MICAL2: variants seen among roughly 807,000 people sequenced by gnomAD.
MICAL2 encodes the protein microtubule associated monooxygenase, calponin and LIM domain containing 2, also known as [F-actin]-monooxygenase MICAL2.
In MICAL2, 77 loss-of-function variants were observed where a neutral mutation model predicts 127.3. The observed-to-expected ratio is 0.60, with a 90% CI of 0.50 to 0.73. MICAL2 has a LOEUF of 0.73. Among genes scored for constraint, MICAL2 ranks in the 30% least tolerant of loss-of-function variants. The pLI, the probability that MICAL2 is intolerant of heterozygous loss-of-function variation, is 0.00. For synonymous variants in MICAL2, 570 were observed against 551.1 expected (o/e 1.03, Z -0.48); for missense variants, 1,351 against 1,434.4 (o/e 0.94, Z 0.94).
chr11:12,242,183 G>C (rs1438134695), intron 18 of MICAL2, 31 bp from the exon 19 acceptor site: 12 of 1,559,036 alleles, frequency 7.7e-6, no homozygotes, highest in Non-Finnish European at 1.0e-5. Flanking sequence ...GCCGCAGTAG[G>C]GAAGGAAGCT....
intron 2 of MICAL2, among the ~76,000 whole-genome samples, chr11:12,282,714 C>G (rs954669199): frequency 6.6e-6 from 1 of 152,188 alleles, no homozygotes; most frequent in Non-Finnish European, 1.5e-5. Context: ...TGCAGCAGGT[C>G]TCTGAGTAGG....
chr11:12,180,512 T>C (rs1272752477), intron 3 of MICAL2, among the ~76,000 whole-genome samples: 1 of 152,178 alleles, frequency 6.6e-6, no homozygotes, highest in Non-Finnish European at 1.5e-5. Context: ...GAAGCTCCTG[T>C]TCATACCGAA....
At chr11:12,268,965 C>G (rs1177130056) in intron 24 of MICAL2, among the ~76,000 whole-genome samples, 1 of 152,082 alleles carries the variant, frequency 6.6e-6, no homozygotes, top group Non-Finnish European at 1.5e-5. Context: ...TGCCACTGCA[C>G]TCCAGCCTCG....
chr11:12,199,351 G>A (rs7104631), intron 3 of MICAL2, among the ~76,000 whole-genome samples: 115,453 of 151,954 alleles, frequency 0.76, 47,620 homozygotes, highest in Non-Finnish European at 0.92. Context: ...TCTAGGTGAG[G>A]TGCAGGGTGG....
intron 29 of MICAL2, among the ~76,000 whole-genome samples, chr11:12,309,604 G>T (rs1365969556): frequency 2.0e-5 from 3 of 152,010 alleles, no homozygotes; most frequent in Admixed American, 2.0e-4. Flanking sequence ...GGCTGATGCT[G>T]TATCTTGGCT....
At chr11:12,194,957 A>G (rs780548686) in intron 3 of MICAL2, among the ~76,000 whole-genome samples, 22 of 152,196 alleles carry the variant, frequency 1.4e-4, no homozygotes, top group Admixed American at 3.9e-4. Context: ...ATTTCATTTT[A>G]TATACATTTT....
downstream of MICAL2, chr11:12,294,592 T>C: frequency 6.2e-7 from 1 of 1,614,228 alleles, no homozygotes; most frequent in South Asian, 1.1e-5. Context: ...CAGATGCTTC[T>C]AAGCCTCCAA....
intron 29 of MICAL2, among the ~76,000 whole-genome samples, chr11:12,312,188 T>C (rs1407224678): frequency 6.6e-6 from 1 of 151,988 alleles, no homozygotes; most frequent in Non-Finnish European, 1.5e-5. Flanking sequence ...ATTTTCGCTT[T>C]GTTGATTTTC....
downstream of MICAL2, among the ~76,000 whole-genome samples, chr11:12,289,912 C>T (rs1014842380): frequency 6.6e-6 from 1 of 152,178 alleles, no homozygotes; most frequent in African/African-American, 2.4e-5. Flanking sequence ...CTCAACCACC[C>T]CATGAAGCTG....
intron 3 of MICAL2, among the ~76,000 whole-genome samples, chr11:12,177,566 C>T (rs1314890582): frequency 6.6e-6 from 1 of 152,140 alleles, no homozygotes; most frequent in East Asian, 1.9e-4. Context: ...CCAAGAAATC[C>T]TGACCAAATT....
intron 29 of MICAL2, among the ~76,000 whole-genome samples, chr11:12,305,895 T>G (rs930056167): frequency 1.3e-5 from 2 of 152,164 alleles, no homozygotes; most frequent in African/African-American, 2.4e-5. Context: ...ATGATATGGT[T>G]TTTAATTGAT....
At chr11:12,201,893 C>A (rs936087199) in intron 3 of MICAL2, among the ~76,000 whole-genome samples, 1 of 152,112 alleles carries the variant, frequency 6.6e-6, no homozygotes, top group Non-Finnish European at 1.5e-5. Flanking sequence ...CCAAGGCGGG[C>A]AGATCACCTG....
At chr11:12,229,102 A>T (rs1037431165) in intron 15 of MICAL2, among the ~76,000 whole-genome samples, 4 of 152,134 alleles carry the variant, frequency 2.6e-5, no homozygotes, top group Non-Finnish European at 5.9e-5. Context: ...GCAGGGTGGG[A>T]TGGGGCCACC....
At chr11:12,205,905 A>G (rs1854618885) in intron 4 of MICAL2, among the ~76,000 whole-genome samples, 1 of 152,168 alleles carries the variant, frequency 6.6e-6, no homozygotes, top group Non-Finnish European at 1.5e-5. Flanking sequence ...CCTGAGAGCC[A>G]TGTTCTTATG....
intron 2 of MICAL2, among the ~76,000 whole-genome samples, chr11:12,285,796 A>G (rs1274467288): frequency 1.3e-5 from 2 of 152,234 alleles, no homozygotes; most frequent in African/African-American, 2.4e-5. Flanking sequence ...CTAGACAGAA[A>G]GAAAGACAGA....
chr11:12,346,079 C>G (rs542284763), intron 32 of MICAL2, among the ~76,000 whole-genome samples: 1 of 151,290 alleles, frequency 6.6e-6, no homozygotes, highest in East Asian at 1.9e-4. Flanking sequence ...CATTGAAGGC[C>G]GATAGAAAGA....
At chr11:12,165,258 T>A (rs1855359139) in intron 3 of MICAL2, among the ~76,000 whole-genome samples, 1 of 152,042 alleles carries the variant, frequency 6.6e-6, no homozygotes, top group African/African-American at 2.4e-5. Flanking sequence ...CCCTGGCATA[T>A]CACATTCATG....
chr11:12,167,879 A>G (rs1482113047), intron 3 of MICAL2, among the ~76,000 whole-genome samples: 2 of 152,206 alleles, frequency 1.3e-5, no homozygotes, highest in African/African-American at 4.8e-5. Context: ...AGTAAATCCA[A>G]TTCACAGCAA....
At chr11:12,318,789 T>G (rs1864259256) in intron 29 of MICAL2, among the ~76,000 whole-genome samples, 1 of 152,190 alleles carries the variant, frequency 6.6e-6, no homozygotes, top group African/African-American at 2.4e-5. Flanking sequence ...CTGAGAAGAA[T>G]AAAAGCCTCC....
Sources: allele counts gnomAD v4.1 joint callset (sites outside exome capture counted in the v4.1 genomes callset), GRCh38; gene constraint gnomAD v4.1.1; transcripts MANE v1.5; gene names NCBI Gene and HGNC (gene_info 2026-07-23, HGNC 2026-07-21).